Variants in RTN4IP1 observed in about 807,000 individuals in gnomAD.
RTN4IP1 encodes NAD(P)H oxidoreductase RTN4IP1, mitochondrial.
In RTN4IP1, 32 loss-of-function variants were observed where a neutral mutation model predicts 46.6. The ratio of observed to expected loss-of-function variants is 0.69; its 90% CI spans 0.52 to 0.92. RTN4IP1 has a LOEUF of 0.92. Among genes scored for constraint, RTN4IP1 ranks in the 40% least tolerant of loss-of-function variants. RTN4IP1 has a pLI of 0.00. For missense variants in RTN4IP1, 424 were observed against 485.8 expected, an observed-to-expected ratio of 0.87 and a Z score of 1.20; for synonymous variants, 167 against 161.8, an observed-to-expected ratio of 1.03 and a Z score of -0.24.
chr6:106,576,510 C>A (rs1051062961), intron 8 of RTN4IP1, among the ~76,000 whole-genome samples: 1 of 152,184 alleles, frequency 6.6e-6, no homozygotes, highest in African/African-American at 2.4e-5. Flanking sequence ...GGGATTCAGT[C>A]CCTAATCACT....
intron 4 of RTN4IP1, among the ~76,000 whole-genome samples, chr6:106,613,078 T>C (rs1776269351): frequency 6.6e-6 from 1 of 152,204 alleles, no homozygotes; most frequent in Non-Finnish European, 1.5e-5. Context: ...TTGTAAAAGA[T>C]ATGCTAACCA....
chr6:106,609,928 G>A (rs1405248540), intron 4 of RTN4IP1, among the ~76,000 whole-genome samples: 1 of 152,236 alleles, frequency 6.6e-6, no homozygotes, highest in Admixed American at 6.5e-5. Context: ...GCAAGGAGCA[G>A]GTCCAATGAA....
rs78739802 is a variant in RTN4IP1 at position 106,588,055 on chromosome 6, T to C, written c.807-193A>G. Among the ~76,000 whole-genome samples the C allele has an allele frequency of 0.019, 2,932 of 152,322 alleles. 75 individuals carry two copies. Among genetic ancestry groups the C allele is most frequent in the African/African-American group, 0.068 (2,837 of 41,558 alleles). On this transcript the variant is annotated intron_variant, in intron 6 of 8. Transcript: ENST00000369063. ...AGGACATACTCATTCACTGGATCTA[T>C]GACTTTTCTCCAAGGTAAGTTTAAT...
chr6:106,586,977 C>G (rs900190840), intron 7 of RTN4IP1, among the ~76,000 whole-genome samples: 1 of 152,188 alleles, frequency 6.6e-6, no homozygotes, highest in Non-Finnish European at 1.5e-5. Context: ...CTGAGTCAGG[C>G]TGACTAACCA....
chr6:106,578,524 TAGG>T (rs1477095464), intron 8 of RTN4IP1, among the ~76,000 whole-genome samples: 3 of 152,290 alleles, frequency 2.0e-5, no homozygotes, highest in African/African-American at 7.2e-5. Flanking sequence ...TTTTTGTGCT[TAGG>T]AGAAAATGCC....
At chr6:106,596,304 C>T (rs1465069042) in intron 5 of RTN4IP1, among the ~76,000 whole-genome samples, 1 of 152,140 alleles carries the variant, frequency 6.6e-6, no homozygotes, top group Non-Finnish European at 1.5e-5. Flanking sequence ...ATTGATACTT[C>T]CAATTCTAAT....
chr6:106,577,143 A>C (rs1384897709), intron 8 of RTN4IP1, among the ~76,000 whole-genome samples: 3 of 152,138 alleles, frequency 2.0e-5, no homozygotes, highest in Non-Finnish European at 4.4e-5. Flanking sequence ...ACATTCAAAA[A>C]TATCTTCCTG....
intron 3 of RTN4IP1, 92 bp from the exon 4 acceptor site, chr6:106,619,418 C>T: frequency 1.4e-6 from 2 of 1,450,570 alleles, no homozygotes; most frequent in Admixed American, 1.9e-5. Context: ...ATCCAGCTGA[C>T]CCTTGAACAA....
In RTN4IP1 at chr6:106,599,036, G is replaced by GT. The variant is rs555812502; in HGVS notation, c.669+3837dup. On this transcript the variant is annotated intron_variant, in intron 5 of 8. Transcript: ENST00000369063. ...ATTTTTTCCTATTCTGATTTATTTT[G>GT]TTTTTTTCACATCTTGTATTATATT... is the stretch of plus-strand genomic sequence containing the variant. Among the ~76,000 whole-genome samples, 33 of 150,530 alleles carry GT rather than the reference G, an allele frequency of 2.2e-4. No homozygotes were observed. In the South Asian group the frequency reaches 6.5e-3, roughly 30 times the overall value.
intron 6 of RTN4IP1, among the ~76,000 whole-genome samples, chr6:106,589,307 G>A (rs1775589670): frequency 7.0e-6 from 1 of 142,932 alleles, no homozygotes; most frequent in African/African-American, 2.6e-5. Flanking sequence ...AGAAGAGGAG[G>A]AGGAGGAGGA....
At chr6:106,573,022 C>G (rs766813593) in intron 8 of RTN4IP1, among the ~76,000 whole-genome samples, 1 of 152,214 alleles carries the variant, frequency 6.6e-6, no homozygotes, top group Non-Finnish European at 1.5e-5. Context: ...CAGGCTGGAG[C>G]TGCCCTGGCA....
At chr6:106,629,824 C>T (rs923077106), upstream of RTN4IP1, 1 of 1,234,222 alleles carries the variant, frequency 8.1e-7, no homozygotes, top group Non-Finnish European at 1.2e-6. Flanking sequence ...TCCTCTAGAA[C>T]TGAGTGGGGG....
At chr6:106,597,714 C>CT (rs1775833670) in intron 5 of RTN4IP1, among the ~76,000 whole-genome samples, 1 of 140,922 alleles carries the variant, frequency 7.1e-6, no homozygotes, top group Admixed American at 7.1e-5. Flanking sequence ...TTTAATTATA[C>CT]TTTAAGTTTT....
chr6:106,621,430 T>A lies in RTN4IP1; in HGVS notation c.490A>T (p.Asn164Tyr), dbSNP rs773800278. The change falls in exon 3 of 9, where the codon AAT becomes TAT. Residue 164 changes from asparagine to tyrosine, a missense_variant. By Grantham distance (143) the Asn-to-Tyr change is moderately radical (BLOSUM62 -2). Coordinates refer to ENST00000369063, the MANE Select transcript of RTN4IP1 (RefSeq NM_032730.5). ...CAGCAGAGTTGGTAAGTTACCTCAT[T>A]CCCACTGACTACAACAAACTCTGAA... ...TLSEFVVVSG[N>Y]EVSHKPKSLT... 21 of 1,612,658 alleles carry A rather than the reference T, an allele frequency of 1.3e-5. No homozygotes were observed. In the South Asian group the frequency reaches 2.3e-4, roughly 18 times the overall value.
chr6:106,624,245 G>A (rs138098033), intron 1 of RTN4IP1, among the ~76,000 whole-genome samples: 1 of 151,850 alleles, frequency 6.6e-6, no homozygotes, highest in Non-Finnish European at 1.5e-5. Context: ...TAGTAGAGAT[G>A]GGATTTCACC....
chr6:106,586,901 G>A (rs1335277871), intron 7 of RTN4IP1, among the ~76,000 whole-genome samples: 1 of 152,180 alleles, frequency 6.6e-6, no homozygotes, highest in East Asian at 1.9e-4. Context: ...TCACCGATGT[G>A]TGCAATTTGG....
rs1267994542 is a variant in RTN4IP1 at position 106,598,447 on chromosome 6, T to C, written c.669+4427A>G. 8.2e-4 allele frequency among the ~76,000 whole-genome samples: 124 copies of C among 150,724 alleles called. 1 individual carries two copies. The highest frequency in any genetic ancestry group is 2.9e-3 in the African/African-American group (118 of 41,234). The stretch of plus-strand genomic sequence containing the variant: ...TGATTTGCATTTCTCTGATGGCCAG[T>C]GATGATGAGCATTTTTTCATGTGTT... On this transcript the variant is annotated intron_variant, in intron 5 of 8. Transcript: ENST00000369063.
At chr6:106,600,088 C>G (rs77430002) in intron 5 of RTN4IP1, among the ~76,000 whole-genome samples, 2,912 of 152,128 alleles carry the variant, frequency 0.019, 82 homozygotes, top group African/African-American at 0.068. Context: ...CCCAGGAATC[C>G]TCGCCTCCTT....
intron 4 of RTN4IP1, among the ~76,000 whole-genome samples, chr6:106,609,014 C>T (rs563996812): frequency 1.3e-5 from 2 of 152,308 alleles, no homozygotes; most frequent in Admixed American, 6.5e-5. Context: ...ATTGCACACA[C>T]ACTGGTCCAT....
Sources: gnomAD v4.1 joint callset for allele counts (sites outside exome capture counted in the v4.1 genomes callset) on GRCh38, gnomAD v4.1.1 for gene constraint, MANE v1.5 for transcripts, NCBI Gene and HGNC (gene_info 2026-07-23, HGNC 2026-07-21) for gene names.